JAK1: variants seen among roughly 807,000 people sequenced by gnomAD.
The protein encoded by JAK1 is tyrosine-protein kinase JAK1.
In JAK1, 16 loss-of-function variants were observed where a neutral mutation model predicts 136.6. The observed-to-expected ratio is 0.12, with a 90% confidence interval of 0.08 to 0.18. The LOEUF (loss-of-function observed/expected upper bound fraction) is 0.18, where lower values mean the gene tolerates loss of function less well. Among genes scored for constraint, JAK1 ranks in the 10% least tolerant of loss-of-function variants. The probability of loss-of-function intolerance (pLI) is 1.00; values close to 1 mark genes in which losing one functional copy is unlikely to be tolerated. For missense variants in JAK1, 859 were observed against 1,450.1 expected (o/e 0.59, Z 6.62); for synonymous variants, 492 against 519.5 (o/e 0.95, Z 0.72).
At chr1:64,965,864 C>T (rs1646364785) in intron 1 of JAK1, among the ~76,000 whole-genome samples, 1 of 152,094 alleles carries the variant, frequency 6.6e-6, no homozygotes, top group African/African-American at 2.4e-5. Context: ...AAGCTAAGAC[C>T]CTCAGCCTCC....
intron 1 of JAK1, among the ~76,000 whole-genome samples, chr1:65,047,456 C>T (rs751036612): frequency 1.8e-4 from 28 of 152,314 alleles, no homozygotes; most frequent in South Asian, 1.0e-3. Context: ...CGATGGCTCA[C>T]GCCTGTAATC....
intron 2 of JAK1, among the ~76,000 whole-genome samples, chr1:64,976,173 A>G (rs76563832): frequency 0.053 from 8,015 of 152,194 alleles, 290 homozygotes; most frequent in South Asian, 0.11. Flanking sequence ...CTCTGATTCA[A>G]TGCATATCCT....
At chr1:64,911,595 A>G (rs529038231) in intron 1 of JAK1, among the ~76,000 whole-genome samples, 8 of 152,360 alleles carry the variant, frequency 5.3e-5, no homozygotes, top group African/African-American at 1.7e-4. Flanking sequence ...GACTCCACGC[A>G]GGTCTACTGA....
Position 64,939,780 on chromosome 1 carries a change from G to A in JAK1, c.-78+26553C>T, listed in dbSNP as rs559104926. Among the ~76,000 whole-genome samples the A allele has an allele frequency of 2.0e-4, 30 of 152,250 alleles. 1 individual carries two copies. The East Asian group carries it at 5.4e-3, about 27-fold the overall frequency. On this transcript the variant is annotated intron_variant, in intron 1 of 24. Transcript: ENST00000342505. ...GGTATTATGCCACTACTGTATGTGT[G>A]CTATATAAGTCAATAAAAGTGGGAA...
intron 1 of JAK1, among the ~76,000 whole-genome samples, chr1:64,961,695 T>A (rs1367295224): frequency 6.6e-6 from 1 of 152,012 alleles, no homozygotes; most frequent in Non-Finnish European, 1.5e-5. Flanking sequence ...CTGCCTAGAC[T>A]TCCTTCCCAC....
intron 1 of JAK1, among the ~76,000 whole-genome samples, chr1:64,918,008 G>A (rs928946089): frequency 6.6e-6 from 1 of 152,172 alleles, no homozygotes; most frequent in Non-Finnish European, 1.5e-5. Context: ...CTCTTCTCCT[G>A]GGAGCCTTCA....
At chr1:64,875,296 G>C (rs1477123486) in intron 4 of JAK1, among the ~76,000 whole-genome samples, 2 of 152,216 alleles carry the variant, frequency 1.3e-5, no homozygotes, top group African/African-American at 2.4e-5. Flanking sequence ...ATGCAAAGCA[G>C]GCAGAGCAAA....
chr1:64,873,634 G>A, intron 4 of JAK1, 111 bp from the exon 5 acceptor site: 13 of 1,206,540 alleles, frequency 1.1e-5, no homozygotes, highest in Non-Finnish European at 1.2e-5. Context: ...GCCCTGAGAA[G>A]CAGGCAGACA....
In JAK1 at chr1:64,841,555, C is replaced by T. The variant is rs1427991134; in HGVS notation, c.2450G>A (p.Cys817Tyr). 23 of 1,614,186 alleles carry T rather than the reference C, an allele frequency of 1.4e-5. No homozygotes were observed. Among genetic ancestry groups the T allele is most frequent in the Non-Finnish European group, 1.9e-5 (23 of 1,180,042 alleles). The change falls in exon 18 of 25, where the codon TGT becomes TAT. Residue 817 changes from cysteine (C) to tyrosine (Y), a missense_variant. Transcript: ENST00000342505. The stretch of plus-strand genomic sequence containing the variant: ...GGTCATGAGGTCAGCCAGCTCCTTA[C>T]ATGATGGTGTCACTGGCCTGCACCG... Reference protein sequence around the residue: ...ESRCRPVTPSCKELADLMTRC... With the variant: ...ESRCRPVTPSYKELADLMTRC...
At chr1:64,870,035 G>T (rs1656981312) in intron 5 of JAK1, among the ~76,000 whole-genome samples, 1 of 152,124 alleles carries the variant, frequency 6.6e-6, no homozygotes, top group African/African-American at 2.4e-5. Context: ...CACTGATGGA[G>T]GTGCACAGCA....
chr1:64,857,440 G>A (rs1371853826), intron 10 of JAK1, among the ~76,000 whole-genome samples: 1 of 152,200 alleles, frequency 6.6e-6, no homozygotes, highest in African/African-American at 2.4e-5. Flanking sequence ...AGGAAGAAGG[G>A]CCCTACAGGG....
intron 1 of JAK1, among the ~76,000 whole-genome samples, chr1:64,910,514 T>C (rs965666286): frequency 2.0e-5 from 3 of 152,188 alleles, no homozygotes; most frequent in African/African-American, 7.2e-5. Context: ...CCCAATTACT[T>C]TGAAGAGTTA....
intron 1 of JAK1, among the ~76,000 whole-genome samples, chr1:64,946,344 A>G (rs765974911): frequency 2.6e-5 from 4 of 152,228 alleles, no homozygotes; most frequent in Admixed American, 6.5e-5. Context: ...CCTAGCAGGT[A>G]TAACCAACCC....
At chr1:65,017,519 A>G (rs1646900797) in intron 2 of JAK1, among the ~76,000 whole-genome samples, 1 of 152,194 alleles carries the variant, frequency 6.6e-6, no homozygotes, top group African/African-American at 2.4e-5. Flanking sequence ...AATAATGATT[A>G]ATAAAACTGA....
At chr1:64,851,337 A>G (rs1485181788) in intron 11 of JAK1, among the ~76,000 whole-genome samples, 8 of 152,206 alleles carry the variant, frequency 5.3e-5, no homozygotes, top group Non-Finnish European at 1.2e-4. Flanking sequence ...GCACTCAATT[A>G]TTATTTGTTA....
At chr1:65,061,466 G>A (rs1484186191) in intron 1 of JAK1, among the ~76,000 whole-genome samples, 1 of 152,074 alleles carries the variant, frequency 6.6e-6, no homozygotes, top group Admixed American at 6.6e-5. Context: ...AAACTAAGAT[G>A]AAAATATTGT....
intron 2 of JAK1, among the ~76,000 whole-genome samples, chr1:65,014,088 G>T (rs922933434): frequency 1.3e-4 from 20 of 151,994 alleles, no homozygotes; most frequent in African/African-American, 4.8e-4. Context: ...GAACAAGAAG[G>T]TTGGGTCACA....
At chr1:64,868,974 G>GA (rs1656893906) in intron 6 of JAK1, among the ~76,000 whole-genome samples, 1 of 152,132 alleles carries the variant, frequency 6.6e-6, no homozygotes, top group Non-Finnish European at 1.5e-5. Flanking sequence ...TTTTTAAGAT[G>GA]GGTCCAAAAC....
intron 1 of JAK1, among the ~76,000 whole-genome samples, chr1:65,057,022 C>T (rs1253821270): frequency 6.6e-6 from 1 of 151,998 alleles, no homozygotes; most frequent in Non-Finnish European, 1.5e-5. Flanking sequence ...TAACCTCAGC[C>T]ATCTCTGTTC....
Sources: allele counts gnomAD v4.1 joint callset (sites outside exome capture counted in the v4.1 genomes callset), GRCh38; gene constraint gnomAD v4.1.1; transcripts MANE v1.5; gene names NCBI Gene and HGNC (gene_info 2026-07-23, HGNC 2026-07-21).